The following TLL1 variants were observed in gnomAD, a reference collection of about 807,000 sequenced individuals.
TLL1 encodes tolloid like 1.
A neutral mutation model predicts 128.2 loss-of-function variants in TLL1; 49 were observed. The ratio of observed to expected loss-of-function variants is 0.38; its 90% CI spans 0.30 to 0.48. The LOEUF (loss-of-function observed/expected upper bound fraction) is 0.48. TLL1 is among the 20% of genes least tolerant of loss of function. The probability of loss-of-function intolerance (pLI) is 0.96; values close to 1 mark genes in which losing one functional copy is unlikely to be tolerated. For synonymous variants in TLL1, 454 were observed against 418.8 expected, an observed-to-expected ratio of 1.08 and a Z score of -1.03; for missense variants, 1,123 against 1,242.0, an observed-to-expected ratio of 0.90 and a Z score of 1.44.
chr4:165,913,155 C>T (rs1264423029), intron 1 of TLL1, among the ~76,000 whole-genome samples: 9 of 152,126 alleles, frequency 5.9e-5, no homozygotes, highest in African/African-American at 1.7e-4. Flanking sequence ...CAACAAAACT[C>T]CCTTAGTACA....
chr4:166,089,331 A>G lies in TLL1; in HGVS notation c.2443-1797A>G, dbSNP rs567630319. On this transcript the variant is annotated intron_variant, in intron 18 of 20. Transcript: ENST00000061240. ...ATATGTACACAATGGTAATAGAAGCAGACTGCTATTTCATGAGAGGCAGAA... is the reference window on the plus strand; with the variant it reads ...ATATGTACACAATGGTAATAGAAGCGGACTGCTATTTCATGAGAGGCAGAA... Among the ~76,000 whole-genome samples, 11 of 152,266 alleles carry G rather than the reference A, an allele frequency of 7.2e-5. No homozygotes were observed. The South Asian group carries it at 2.3e-3, about 32-fold the overall frequency.
At chr4:166,056,817 T>C (rs1002189751) in intron 13 of TLL1, among the ~76,000 whole-genome samples, 3 of 152,284 alleles carry the variant, frequency 2.0e-5, no homozygotes, top group African/African-American at 4.8e-5. Flanking sequence ...CTGTGGGTTT[T>C]TTGACAATGC....
chr4:165,952,268 T>C (rs1359010840), intron 1 of TLL1, among the ~76,000 whole-genome samples: 1 of 152,160 alleles, frequency 6.6e-6, no homozygotes, highest in Non-Finnish European at 1.5e-5. Flanking sequence ...TCCTTGTCCA[T>C]ATTGTTGATC....
At chr4:166,017,863 A>C (rs760395192) in intron 8 of TLL1, among the ~76,000 whole-genome samples, 2 of 152,180 alleles carry the variant, frequency 1.3e-5, no homozygotes, top group African/African-American at 2.4e-5. Context: ...CTCATGACTT[A>C]TCAGGATAAG....
At chr4:165,936,997 T>G (rs1251398559) in intron 1 of TLL1, among the ~76,000 whole-genome samples, 1 of 152,138 alleles carries the variant, frequency 6.6e-6, no homozygotes, top group Non-Finnish European at 1.5e-5. Flanking sequence ...TTAGGTCTCT[T>G]TATTGTCCCT....
intron 1 of TLL1, among the ~76,000 whole-genome samples, chr4:165,911,477 T>A (rs1257374330): frequency 6.6e-6 from 1 of 152,202 alleles, no homozygotes; most frequent in South Asian, 2.1e-4. Flanking sequence ...TCTTTGATGA[T>A]GAGAATAGTC....
In TLL1 at chr4:166,093,116, G is replaced by A. The variant is rs140502192; in HGVS notation, c.2656+1775G>A. 7.9e-3 allele frequency among the ~76,000 whole-genome samples: 1,207 copies of A among 152,268 alleles called. 20 individuals carry two copies. Among genetic ancestry groups the A allele is most frequent in the African/African-American group, 0.027 (1,139 of 41,560 alleles). ...GTGGGTATTTCTCATCAGGTGGGAC[G>A]AGAGACTGAGAAAAGAAATAAGACA... is the stretch of plus-strand genomic sequence containing the variant. On this transcript the variant is annotated intron_variant, in intron 19 of 20. Transcript: ENST00000061240.
At chr4:165,949,500 A>T (rs1414833502) in intron 1 of TLL1, among the ~76,000 whole-genome samples, 1 of 152,178 alleles carries the variant, frequency 6.6e-6, no homozygotes, top group Non-Finnish European at 1.5e-5. Flanking sequence ...CAGCAGTGAT[A>T]GAAAACTCAT....
chr4:165,888,702 A>G (rs1579444237), intron 1 of TLL1, among the ~76,000 whole-genome samples: 1 of 152,100 alleles, frequency 6.6e-6, no homozygotes, highest in African/African-American at 2.4e-5. Context: ...GTCTCAGAAG[A>G]TATTTGTTTT....
intron 12 of TLL1, among the ~76,000 whole-genome samples, chr4:166,044,877 G>T (rs1315083316): frequency 6.6e-6 from 1 of 152,192 alleles, no homozygotes; most frequent in Non-Finnish European, 1.5e-5. Flanking sequence ...GTCAGAAAAT[G>T]CATTCATTCC....
At chr4:165,921,656 T>G (rs1733047771) in intron 1 of TLL1, among the ~76,000 whole-genome samples, 1 of 152,164 alleles carries the variant, frequency 6.6e-6, no homozygotes. Flanking sequence ...TGTCTTATAG[T>G]TAGACAAGGT....
At chr4:165,948,026 G>A (rs1734339116) in intron 1 of TLL1, among the ~76,000 whole-genome samples, 1 of 152,154 alleles carries the variant, frequency 6.6e-6, no homozygotes, top group Admixed American at 6.5e-5. Context: ...TGACTCAGAG[G>A]GCAGAGTAGC....
intron 9 of TLL1, among the ~76,000 whole-genome samples, chr4:166,038,809 T>G (rs1307964977): frequency 1.3e-5 from 2 of 152,214 alleles, no homozygotes; most frequent in Non-Finnish European, 2.9e-5. Context: ...GGACAAATTC[T>G]AATTCTAGGA....
chr4:165,967,136 T>C (rs1735422941), intron 1 of TLL1, among the ~76,000 whole-genome samples: 1 of 152,226 alleles, frequency 6.6e-6, no homozygotes, highest in African/African-American at 2.4e-5. Context: ...TATTCGCTTT[T>C]GTAAGAAGAG....
intron 12 of TLL1, chr4:166,044,347 G>C: frequency 6.5e-7 from 1 of 1,535,430 alleles, no homozygotes; most frequent in Non-Finnish European, 8.7e-7. Context: ...GGTCATGGTT[G>C]TGTGTCTGTA....
rs559816539 is a variant in TLL1 at position 166,005,230 on chromosome 4, T to A, written c.811+1661T>A. Among the ~76,000 whole-genome samples the A allele has an allele frequency of 2.0e-5, 3 of 152,132 alleles. No homozygotes were observed. In the South Asian group the frequency reaches 6.2e-4, roughly 31 times the overall value. ...GAGAAGGACAAATAATGATTCAATT[T>A]AGCATATCCTTGAATTTAAAAAGCC... On this transcript the variant is annotated intron_variant, in intron 6 of 20. Coordinates refer to ENST00000061240, the MANE Select transcript of TLL1 (RefSeq NM_012464.5).
Position 166,014,416 on chromosome 4 carries a change from T to A in TLL1, c.918-20T>A. 6.2e-7 allele frequency: 1 copy of A among 1,611,694 alleles called. No homozygotes were observed. Among genetic ancestry groups the A allele is most frequent in the South Asian group, 1.1e-5 (1 of 91,068 alleles). The stretch of plus-strand genomic sequence containing the variant: ...TTTCATTTGGTGACTTAGGTGTGGT[T>A]TGCTTCTGCTTTTTTTCAGGGGGAT... On this transcript the variant is annotated intron_variant, in intron 7 of 20. Coordinates refer to ENST00000061240, the MANE Select transcript of TLL1 (RefSeq NM_012464.5).
intron 12 of TLL1, among the ~76,000 whole-genome samples, chr4:166,045,733 G>A (rs188090817): frequency 3.3e-4 from 50 of 152,086 alleles, no homozygotes; most frequent in African/African-American, 1.1e-3. Flanking sequence ...GTGTCAGCTC[G>A]TCTCGCCCTC....
intron 9 of TLL1, chr4:166,031,100 A>T: frequency 1.3e-6 from 1 of 783,526 alleles, no homozygotes; most frequent in Non-Finnish European, 1.5e-6. Context: ...AAGCTGCTTA[A>T]GATGATTTCT....
Sources: gnomAD v4.1 joint callset for allele counts (sites outside exome capture counted in the v4.1 genomes callset) on GRCh38, gnomAD v4.1.1 for gene constraint, MANE v1.5 for transcripts, NCBI Gene and HGNC (gene_info 2026-07-23, HGNC 2026-07-21) for gene names.